The following SCAF11 variants were observed in gnomAD, a reference collection of about 807,000 sequenced individuals.
The protein encoded by SCAF11 is SR-related CTD associated factor 11, also known as protein SCAF11.
A neutral mutation model predicts 140.5 loss-of-function variants in SCAF11; 47 were observed. That is an observed-to-expected ratio of 0.33 (90% CI 0.26 to 0.43). The LOEUF is 0.43. Among genes scored for constraint, SCAF11 ranks in the 20% least tolerant of loss-of-function variants. The probability of loss-of-function intolerance (pLI) is 1.00; values close to 1 mark genes in which losing one functional copy is unlikely to be tolerated. For synonymous variants in SCAF11, 557 were observed against 579.4 expected (o/e 0.96, Z 0.55); for missense variants, 1,645 against 1,705.1 (o/e 0.96, Z 0.62).
rs765217301 is a variant in SCAF11, at chr12:45,927,140, T to A, written c.2561A>T (p.Asp854Val). 3 of 1,614,180 alleles carry A rather than the reference T, an allele frequency of 1.9e-6. No individual in the cohort carries two copies. In the Admixed American group the frequency reaches 5.0e-5, roughly 27 times the overall value. ...AGATTGCCTCCTTTCTCTTGCAATA[T>A]CCTTTTTTGGGGACTGAGAACGGGA... ...KKSRSQSPKKDIARERRQSQS... is the reference protein window; with the variant it reads ...KKSRSQSPKKVIARERRQSQS... The change falls in exon 11 of 15, where the codon GAT becomes GTT. Residue 854 changes from aspartate to valine, a missense_variant. Transcript: ENST00000369367.
intron 1 of SCAF11, among the ~76,000 whole-genome samples, chr12:45,986,411 C>A (rs1946460418): frequency 6.6e-6 from 1 of 152,112 alleles, no homozygotes. Context: ...ATCCACTGAG[C>A]CCATCTCCAC....
Position 45,931,532 on chromosome 12 carries a change from G to T in SCAF11, c.815C>A (p.Thr272Lys). 6.7e-7 allele frequency: 1 copy of T among 1,493,114 alleles called. No homozygotes were observed. The highest frequency in any genetic ancestry group is 1.8e-4 in the Middle Eastern group (1 of 5,690). 92.5% of individuals were successfully genotyped at this position (1,493,114 alleles called of 1,614,324 possible). Residue 272 changes from threonine (T) to lysine (K), a missense_variant, in exon 10 of 15, where the codon ACA (threonine) becomes AAA (lysine). Physicochemically the swap from Thr to Lys is moderately conservative, Grantham distance 78. Coordinates refer to ENST00000369367, the MANE Select transcript of SCAF11 (RefSeq NM_004719.3). ...SSVLPRTIFP[T>K]STISFEHFGT... The stretch of plus-strand genomic sequence containing the variant: ...AAAATGTTCGAAAGATATGGTACTT[G>T]TTGGAAAAATAGTTCTTGGCAACAC...
intron 10 of SCAF11, among the ~76,000 whole-genome samples, chr12:45,930,462 T>TG (rs1410940059): frequency 6.6e-6 from 1 of 150,720 alleles, no homozygotes; most frequent in Admixed American, 6.6e-5. Flanking sequence ...TTTTGTTTTT[T>TG]TTTTTTTTTG....
Position 45,981,009 on chromosome 12 carries a change from T to C in SCAF11, c.-22+9344A>G, listed in dbSNP as rs74318498. 6.1e-3 allele frequency among the ~76,000 whole-genome samples: 922 copies of C among 152,302 alleles called. 15 individuals are homozygous for C. The highest frequency in any genetic ancestry group is 0.021 in the African/African-American group (860 of 41,572). ...GTTTTAGGGAAACAGGGCAGGTGAT[T>C]TATAAATTAACAAAATAAAGAAATA... On this transcript the variant is annotated intron_variant, in intron 1 of 14. Transcript: ENST00000369367.
At chr12:45,952,854 T>C (rs928658908) in intron 3 of SCAF11, among the ~76,000 whole-genome samples, 1 of 152,198 alleles carries the variant, frequency 6.6e-6, no homozygotes, top group Non-Finnish European at 1.5e-5. Flanking sequence ...AAGATAGTAA[T>C]GGAAACTAGA....
intron 4 of SCAF11, 130 bp downstream of exon 4, chr12:45,951,520 C>T: frequency 1.8e-6 from 1 of 568,494 alleles, no homozygotes; most frequent in Non-Finnish European, 3.1e-6. Flanking sequence ...ATTTATCATG[C>T]TAAGGAGGAT....
chr12:45,978,033 G>C (rs924009788), intron 1 of SCAF11, among the ~76,000 whole-genome samples: 1 of 152,124 alleles, frequency 6.6e-6, no homozygotes, highest in Non-Finnish European at 1.5e-5. Flanking sequence ...CACTCTATGG[G>C]AAGAATATAT....
intron 1 of SCAF11, among the ~76,000 whole-genome samples, chr12:45,987,131 C>A (rs1400666980): frequency 6.6e-6 from 1 of 152,144 alleles, no homozygotes; most frequent in African/African-American, 2.4e-5. Context: ...GAGGCCAAGG[C>A]GGGATGATTA....
At chr12:45,942,864 C>A (rs1945336623) in intron 6 of SCAF11, among the ~76,000 whole-genome samples, 1 of 152,158 alleles carries the variant, frequency 6.6e-6, no homozygotes. Context: ...TTGCGTTTGT[C>A]TACGAGAAGA....
chr12:45,972,893 GATATATAT>G lies in SCAF11; in HGVS notation c.-21-8713_-21-8706del, dbSNP rs377736896. On this transcript the variant is annotated intron_variant, in intron 1 of 14. Coordinates refer to ENST00000369367, the MANE Select transcript of SCAF11 (RefSeq NM_004719.3). Reference sequence around the variant, plus strand: ...ATATATATATATAGATATATATATAGATATATATATATATAGATATATATATAGATATA... The same window carrying G: ...ATATATATATATAGATATATATATAGATATATAGATATATATATAGATATA... Among the ~76,000 whole-genome samples the G allele has an allele frequency of 7.7e-3, 494 of 63,780 alleles. 21 individuals carry two copies. The highest frequency in any genetic ancestry group is 0.027 in the Middle Eastern group (3 of 112). The allele number at this position is 63,780 out of a possible 152,430, so 41.8% of individuals were successfully genotyped here.
rs115022741 is a variant in SCAF11 at position 45,989,138 on chromosome 12, A to G, written c.-22+1215T>C. ...CTTGATTACATGTCAAAATTTTAAT[A>G]CAATTACTAATAAAATACAAAAACC... On this transcript the variant is annotated intron_variant, in intron 1 of 14. Coordinates refer to ENST00000369367, the MANE Select transcript of SCAF11 (RefSeq NM_004719.3). 7.2e-3 allele frequency among the ~76,000 whole-genome samples: 1,094 copies of G among 152,368 alleles called. 10 individuals carry two copies. The highest frequency in any genetic ancestry group is 0.025 in the African/African-American group (1,036 of 41,590).
chr12:45,990,553 G>A lies in SCAF11; in HGVS notation c.-222C>T. Reference sequence around the variant, plus strand: ...AGCGACCCAGGTTGCGCTGCTCCGCGCGGCTTAAGCCACCGCTACTCCCCC... The same window carrying A: ...AGCGACCCAGGTTGCGCTGCTCCGCACGGCTTAAGCCACCGCTACTCCCCC... On this transcript the variant is annotated 5_prime_UTR_variant, in exon 1 of 15. Coordinates refer to ENST00000369367, the MANE Select transcript of SCAF11 (RefSeq NM_004719.3). 3.2e-6 allele frequency: 4 copies of A among 1,231,648 alleles called. No individual in the cohort carries two copies. The highest frequency in any genetic ancestry group is 3.1e-4 in the Middle Eastern group (1 of 3,216). 76.3% of individuals were successfully genotyped at this position (1,231,648 alleles called of 1,614,324 possible). A position where few individuals can be genotyped will look rare whatever the true frequency, so the allele number is the denominator to read the frequency against.
intron 6 of SCAF11, among the ~76,000 whole-genome samples, chr12:45,942,165 G>A (rs932637001): frequency 2.6e-5 from 4 of 152,182 alleles, no homozygotes; most frequent in African/African-American, 9.7e-5. Context: ...TCAACAGGAG[G>A]CTATTAGTAG....
chr12:45,988,268 CT>C (rs749876272), intron 1 of SCAF11, among the ~76,000 whole-genome samples: 1 of 152,156 alleles, frequency 6.6e-6, no homozygotes, highest in South Asian at 2.1e-4. Flanking sequence ...AGTTGACTTT[CT>C]TTTTATTACT....
At chr12:45,980,522 C>T (rs1481122813) in intron 1 of SCAF11, among the ~76,000 whole-genome samples, 2 of 152,108 alleles carry the variant, frequency 1.3e-5, no homozygotes. Flanking sequence ...GTGGAAACAC[C>T]TAGCAAGTGA....
At chr12:45,989,110 A>T (rs1181232072) in intron 1 of SCAF11, among the ~76,000 whole-genome samples, 2 of 152,228 alleles carry the variant, frequency 1.3e-5, no homozygotes, top group Admixed American at 1.3e-4. Flanking sequence ...GTTTAGAAAC[A>T]GACTTGATTA....
chr12:45,939,172 A>G, intron 6 of SCAF11, among the ~76,000 whole-genome samples: 1 of 151,694 alleles, frequency 6.6e-6, no homozygotes, highest in East Asian at 1.9e-4. Context: ...ACTGTACAAA[A>G]CTCAAGGGGC....
At chr12:45,965,827 C>T (rs999125083) in intron 1 of SCAF11, among the ~76,000 whole-genome samples, 5 of 152,060 alleles carry the variant, frequency 3.3e-5, no homozygotes, top group African/African-American at 1.2e-4. Flanking sequence ...AGGAAAATTC[C>T]CTATTTGGTT....
At chr12:45,983,828 A>G (rs1167183499) in intron 1 of SCAF11, among the ~76,000 whole-genome samples, 1 of 151,904 alleles carries the variant, frequency 6.6e-6, no homozygotes, top group East Asian at 1.9e-4. Context: ...ATTACAATAA[A>G]AAGACAACCC....
Sources: allele counts gnomAD v4.1 joint callset (sites outside exome capture counted in the v4.1 genomes callset), GRCh38; gene constraint gnomAD v4.1.1; transcripts MANE v1.5; gene names NCBI Gene and HGNC (gene_info 2026-07-23, HGNC 2026-07-21).